PLEKHA7: variants seen among roughly 807,000 people sequenced by gnomAD.
PLEKHA7 encodes pleckstrin homology domain containing A7.
In PLEKHA7, 104 loss-of-function variants were observed where a neutral mutation model predicts 170.0. The ratio of observed to expected loss-of-function variants is 0.61; its 90% CI spans 0.52 to 0.72. The LOEUF is 0.72. Among genes scored for constraint, PLEKHA7 ranks in the 30% least tolerant of loss-of-function variants. PLEKHA7 has a pLI of 0.00. For synonymous variants in PLEKHA7, 648 were observed against 660.8 expected (o/e 0.98, Z 0.30); for missense variants, 1,615 against 1,671.7 (o/e 0.97, Z 0.59).
At chr11:17,007,705 C>T (rs1021788130) in intron 3 of PLEKHA7, among the ~76,000 whole-genome samples, 1 of 151,738 alleles carries the variant, frequency 6.6e-6, no homozygotes, top group African/African-American at 2.4e-5. Flanking sequence ...TCCCTAATAG[C>T]TGGGACTATG....
chr11:16,781,470 C>T (rs1849018547), intron 26 of PLEKHA7, among the ~76,000 whole-genome samples: 1 of 152,150 alleles, frequency 6.6e-6, no homozygotes, highest in Non-Finnish European at 1.5e-5. Flanking sequence ...CCTGCTCGAA[C>T]CCTCCCCAGG....
chr11:16,827,996 C>G (rs2134994646), intron 9 of PLEKHA7, among the ~76,000 whole-genome samples: 1 of 152,262 alleles, frequency 6.6e-6, no homozygotes, highest in Admixed American at 6.5e-5. Flanking sequence ...CCTCAGCTAT[C>G]AATAAACAAC....
In PLEKHA7 at chr11:16,817,038, A is replaced by G; in HGVS notation, c.1628T>C (p.Leu543Pro). The part of the protein sequence containing the change: ...RHGSPTAPIC[L>P]GSPEFTDQGR... ...CTGGTCGGTGAACTCTGGGGAGCCA[A>G]GGCAGATGGGCGCTGTGGGGCTGCC... is the stretch of plus-strand genomic sequence containing the variant. Residue 543 changes from leucine (L) to proline (P), a missense_variant, in exon 11 of 27, where the codon CTT (leucine) becomes CCT (proline). Physicochemically the swap from Leu to Pro is moderately conservative, Grantham distance 98 (BLOSUM62 -3). Transcript: ENST00000531066. The surrounding 1 kb of genome is among the most constrained non-coding windows in gnomAD (Gnocchi z 4.4). The G allele has an allele frequency of 6.2e-7, 1 of 1,607,240 alleles. No individual in the cohort carries two copies.
intron 3 of PLEKHA7, among the ~76,000 whole-genome samples, chr11:16,962,338 C>G (rs1222229247): frequency 6.6e-6 from 1 of 152,206 alleles, no homozygotes; most frequent in South Asian, 2.1e-4. Context: ...CTCTTGGCGA[C>G]CAGTCAATGA....
intron 16 of PLEKHA7, 119 bp from the exon 17 acceptor site, chr11:16,801,194 G>T: frequency 2.3e-6 from 2 of 851,234 alleles, no homozygotes; most frequent in Non-Finnish European, 2.0e-6. Flanking sequence ...AGGAGACCGG[G>T]CAGGCCTGGT....
In PLEKHA7 at chr11:16,826,365, C is replaced by A; in HGVS notation, c.1098G>T (p.Ser366=). ...TAAACAAGGCATCCTCCTCGGCTGG[C>A]GAGTACGGAGACCTGGCCTTGCTCC... The part of the protein sequence containing the change: ...RDRSKARSPY[S]PAEEDALFMD... The change falls in exon 10 of 27, where the codon TCG becomes TCT. Residue 366 remains serine (S), a synonymous_variant. Coordinates refer to ENST00000531066, the MANE Select transcript of PLEKHA7 (RefSeq NM_001329630.2). 1 of 1,614,242 alleles carries A rather than the reference C, an allele frequency of 6.2e-7. No individual in the cohort carries two copies. The highest frequency in any genetic ancestry group is 1.3e-5 in the African/African-American group (1 of 75,068).
rs566394768 is a variant in PLEKHA7 at position 17,014,103 on chromosome 11, C to A, written c.163+22G>T. On this transcript the variant is annotated intron_variant, in intron 2 of 26. Transcript: ENST00000531066. ...TTGGGCCGCCGCTGCGCGCGCCCCC[C>A]ACCCGCCGGCCCGGCGCCCACCTGA... 61 of 1,590,700 alleles carry A rather than the reference C, an allele frequency of 3.8e-5. No individual in the cohort carries two copies. The African/African-American group carries it at 7.5e-4, about 20-fold the overall frequency.
intron 4 of PLEKHA7, among the ~76,000 whole-genome samples, chr11:16,858,007 C>G (rs1853613281): frequency 6.6e-6 from 1 of 152,244 alleles, no homozygotes; most frequent in South Asian, 2.1e-4. Flanking sequence ...GTGTGAGCCA[C>G]AGCACCTGGC....
At chr11:16,821,916 T>C (rs1353129720) in intron 10 of PLEKHA7, among the ~76,000 whole-genome samples, 1 of 152,154 alleles carries the variant, frequency 6.6e-6, no homozygotes, top group African/African-American at 2.4e-5. Context: ...TCTCACTGTG[T>C]GCTCAGTGAC....
chr11:16,889,005 T>C (rs71484736), intron 3 of PLEKHA7, among the ~76,000 whole-genome samples: 5,547 of 147,112 alleles, frequency 0.038, 178 homozygotes, highest in African/African-American at 0.082. Context: ...AGCTCAGCTA[T>C]TGTAACCCCT....
At chr11:16,855,042 C>G (rs754394538) in intron 5 of PLEKHA7, 49 bp from the exon 6 acceptor site, 1 of 1,515,602 alleles carries the variant, frequency 6.6e-7, no homozygotes, top group Non-Finnish European at 9.2e-7. Context: ...TAAGGTGACA[C>G]AAAAAAGCAC....
At chr11:16,918,564 G>A (rs1370536396) in intron 3 of PLEKHA7, among the ~76,000 whole-genome samples, 1 of 152,150 alleles carries the variant, frequency 6.6e-6, no homozygotes, top group Non-Finnish European at 1.5e-5. Context: ...CTGACCAGCT[G>A]GTAAAATGCC....
chr11:16,985,201 C>T (rs550330013), intron 3 of PLEKHA7, among the ~76,000 whole-genome samples: 38 of 152,340 alleles, frequency 2.5e-4, no homozygotes, highest in African/African-American at 8.4e-4. Context: ...CATGCAGGTG[C>T]CCACTACACG....
intron 3 of PLEKHA7, among the ~76,000 whole-genome samples, chr11:16,873,821 C>A (rs1256339406): frequency 6.6e-6 from 1 of 152,172 alleles, no homozygotes; most frequent in Non-Finnish European, 1.5e-5. Context: ...CACCTGCCAC[C>A]ACATTTGACT....
chr11:16,819,567 A>G lies in PLEKHA7; in HGVS notation c.1344-2245T>C, dbSNP rs187456571. Among the ~76,000 whole-genome samples the G allele has an allele frequency of 1.1e-4, 16 of 152,368 alleles. No homozygotes were observed. In the East Asian group the frequency reaches 3.1e-3, roughly 29 times the overall value. ...CACCTATCAATTTTATCTAACATTT[A>G]TTTGGTGCTGATATTGTGCCAGACA... On this transcript the variant is annotated intron_variant, in intron 10 of 26. Coordinates refer to ENST00000531066, the MANE Select transcript of PLEKHA7 (RefSeq NM_001329630.2).
chr11:16,894,110 G>A (rs1404425927), intron 3 of PLEKHA7, among the ~76,000 whole-genome samples: 1 of 152,216 alleles, frequency 6.6e-6, no homozygotes, highest in Non-Finnish European at 1.5e-5. Flanking sequence ...TCAGGAGGGG[G>A]AGGTTGCCAA....
chr11:16,924,464 A>C (rs1300543359), intron 3 of PLEKHA7, among the ~76,000 whole-genome samples: 1 of 152,094 alleles, frequency 6.6e-6, no homozygotes, highest in Non-Finnish European at 1.5e-5. Context: ...TGCTGAGAGG[A>C]CTCAGGTCTC....
chr11:16,874,068 C>T (rs1480145773), intron 3 of PLEKHA7, among the ~76,000 whole-genome samples: 2 of 152,308 alleles, frequency 1.3e-5, no homozygotes, highest in Non-Finnish European at 2.9e-5. Context: ...AAAAGCCCTG[C>T]TCATAACGGA....
intron 3 of PLEKHA7, among the ~76,000 whole-genome samples, chr11:16,956,687 T>C (rs1861721601): frequency 6.6e-6 from 1 of 152,214 alleles, no homozygotes; most frequent in South Asian, 2.1e-4. Flanking sequence ...AAAGGAGGTA[T>C]GAAGTCTACT....
Sources: allele counts gnomAD v4.1 joint callset (sites outside exome capture counted in the v4.1 genomes callset), GRCh38; gene constraint gnomAD v4.1.1; non-coding constraint Gnocchi (gnomAD v3.1); transcripts MANE v1.5; gene names NCBI Gene and HGNC (gene_info 2026-07-23, HGNC 2026-07-21).